RHOJ: variants seen among roughly 807,000 people sequenced by gnomAD.
The protein encoded by RHOJ is rho-related GTP-binding protein RhoJ.
Under a neutral mutation model 23.4 loss-of-function variants are expected in RHOJ, and 11 were observed. The observed-to-expected ratio is 0.47, with a 90% CI of 0.30 to 0.78. The LOEUF (loss-of-function observed/expected upper bound fraction) is 0.78, where lower values mean the gene tolerates loss of function less well. RHOJ is among the 30% of genes least tolerant of loss of function. The probability of loss-of-function intolerance (pLI) is 0.08; values close to 1 mark genes in which losing one functional copy is unlikely to be tolerated. For synonymous variants in RHOJ, 102 were observed against 102.7 expected, an observed-to-expected ratio of 0.99 and a Z score of 0.04; for missense variants, 254 against 273.4, an observed-to-expected ratio of 0.93 and a Z score of 0.50.
intron 1 of RHOJ, among the ~76,000 whole-genome samples, chr14:63,251,220 C>G (rs1190032531): frequency 6.6e-6 from 1 of 152,086 alleles, no homozygotes; most frequent in East Asian, 1.9e-4. Flanking sequence ...TTTTCTTCAC[C>G]CATGGATGCC....
At chr14:63,273,500 G>C (rs1451003517) in intron 2 of RHOJ, among the ~76,000 whole-genome samples, 1 of 152,240 alleles carries the variant, frequency 6.6e-6, no homozygotes, top group Non-Finnish European at 1.5e-5. Context: ...GTGGACAGCA[G>C]GGTGTTGGTT....
At chr14:63,240,980 G>T (rs1305101584) in intron 1 of RHOJ, among the ~76,000 whole-genome samples, 5 of 152,174 alleles carry the variant, frequency 3.3e-5, no homozygotes, top group African/African-American at 1.2e-4. Flanking sequence ...CCCATGGCAA[G>T]TCCTCTCCGA....
chr14:63,213,064 T>C (rs1168542484), intron 1 of RHOJ, among the ~76,000 whole-genome samples: 1 of 152,240 alleles, frequency 6.6e-6, no homozygotes, highest in Non-Finnish European at 1.5e-5. Context: ...CTATGTAAGC[T>C]AAGATGCTGT....
chr14:63,288,281 G>T, intron 4 of RHOJ: 1 of 985,460 alleles, frequency 1.0e-6, no homozygotes, highest in Non-Finnish European at 1.2e-6. Context: ...GGGGGCAGGA[G>T]GATGGGGAGT....
At chr14:63,231,468 A>G (rs988580053) in intron 1 of RHOJ, among the ~76,000 whole-genome samples, 4 of 152,250 alleles carry the variant, frequency 2.6e-5, no homozygotes, top group Non-Finnish European at 5.9e-5. Flanking sequence ...ATGGGCAAAG[A>G]ACTAGTCATG....
chr14:63,258,052 CT>C (rs1895207739), intron 1 of RHOJ, among the ~76,000 whole-genome samples: 1 of 149,576 alleles, frequency 6.7e-6, no homozygotes, highest in Non-Finnish European at 1.5e-5. Context: ...CATGGTGAAA[CT>C]CCATCTCTAC....
intron 1 of RHOJ, among the ~76,000 whole-genome samples, chr14:63,214,922 G>A (rs192802691): frequency 1.3e-5 from 2 of 152,198 alleles, no homozygotes; most frequent in East Asian, 1.9e-4. Context: ...GTCACTGAGG[G>A]AAATTAGAGA....
intron 1 of RHOJ, among the ~76,000 whole-genome samples, chr14:63,261,438 C>CT (rs201163669): frequency 0.026 from 3,932 of 150,336 alleles, 163 homozygotes; most frequent in African/African-American, 0.088. Context: ...CTTTTTTTTC[C>CT]TTTTTTTTGA....
At chr14:63,273,967 T>C (rs922191063) in intron 2 of RHOJ, among the ~76,000 whole-genome samples, 7 of 152,266 alleles carry the variant, frequency 4.6e-5, no homozygotes, top group Non-Finnish European at 8.8e-5. Flanking sequence ...CCAGTGTCTG[T>C]GGGAGTAGAG....
chr14:63,208,263 C>G (rs1254609187), intron 1 of RHOJ, among the ~76,000 whole-genome samples: 1 of 152,154 alleles, frequency 6.6e-6, no homozygotes, highest in South Asian at 2.1e-4. Flanking sequence ...GTATCCCTAC[C>G]TCCTACCTAC....
intron 1 of RHOJ, among the ~76,000 whole-genome samples, chr14:63,266,570 T>C (rs556221825): frequency 1.3e-5 from 2 of 152,222 alleles, no homozygotes; most frequent in Non-Finnish European, 2.9e-5. Context: ...GAGCATGGAA[T>C]GTTTTTCCAT....
In RHOJ at chr14:63,271,707, G is replaced by A. The variant is rs187269470; in HGVS notation, c.237+2539G>A. ...CTTCCCGAGTTCAAGCAATTCTTCT[G>A]CCTCATCCTCCCAGGTAACTGGGAT... is the stretch of plus-strand genomic sequence containing the variant. On this transcript the variant is annotated intron_variant, in intron 2 of 4. Coordinates refer to ENST00000316754, the MANE Select transcript of RHOJ (RefSeq NM_020663.5). Among the ~76,000 whole-genome samples the A allele has an allele frequency of 1.1e-3, 165 of 152,320 alleles. 2 individuals are homozygous for A. The highest frequency in any genetic ancestry group is 0.01 in the Middle Eastern group (3 of 294).
chr14:63,231,049 C>A (rs1002388412), intron 1 of RHOJ, among the ~76,000 whole-genome samples: 1 of 151,862 alleles, frequency 6.6e-6, no homozygotes, highest in Non-Finnish European at 1.5e-5. Context: ...CCACCATGCC[C>A]AGCTAATTTT....
chr14:63,280,401 GT>G (rs1881860226), intron 2 of RHOJ, among the ~76,000 whole-genome samples: 1 of 152,172 alleles, frequency 6.6e-6, no homozygotes, highest in African/African-American at 2.4e-5. Flanking sequence ...AAACGGGGAG[GT>G]TTTGATCAAG....
At chr14:63,218,781 A>G (rs1894420404) in intron 1 of RHOJ, among the ~76,000 whole-genome samples, 1 of 152,242 alleles carries the variant, frequency 6.6e-6, no homozygotes, top group African/African-American at 2.4e-5. Flanking sequence ...AATCCCTGAG[A>G]CAACTACAGT....
intron 1 of RHOJ, among the ~76,000 whole-genome samples, chr14:63,245,180 G>C (rs949763097): frequency 6.6e-6 from 1 of 152,132 alleles, no homozygotes; most frequent in African/African-American, 2.4e-5. Context: ...GTAAGCATCA[G>C]GGTACTGAAG....
intron 1 of RHOJ, among the ~76,000 whole-genome samples, chr14:63,206,582 A>C (rs987783512): frequency 6.6e-6 from 1 of 152,176 alleles, no homozygotes; most frequent in African/African-American, 2.4e-5. Flanking sequence ...CTAAAGGGAG[A>C]GGCTTCAAAT....
chr14:63,266,553 A>G (rs921741247), intron 1 of RHOJ, among the ~76,000 whole-genome samples: 3 of 152,162 alleles, frequency 2.0e-5, no homozygotes, highest in Non-Finnish European at 2.9e-5. Context: ...TGATTCTTCC[A>G]ATCCATGAGC....
At chr14:63,285,561 C>T (rs1477102713) in intron 4 of RHOJ, among the ~76,000 whole-genome samples, 1 of 152,136 alleles carries the variant, frequency 6.6e-6, no homozygotes, top group African/African-American at 2.4e-5. Flanking sequence ...TTATATCATA[C>T]ACATTTACAA....
Sources: allele counts gnomAD v4.1 joint callset (sites outside exome capture counted in the v4.1 genomes callset), GRCh38; gene constraint gnomAD v4.1.1; transcripts MANE v1.5; gene names NCBI Gene and HGNC (gene_info 2026-07-23, HGNC 2026-07-21).